Variants in RALGPS1 observed in about 807,000 individuals in gnomAD.
RALGPS1 encodes the protein ras-specific guanine nucleotide-releasing factor RalGPS1.
In RALGPS1, 19 loss-of-function variants were observed where a neutral mutation model predicts 78.8. The ratio of observed to expected loss-of-function variants is 0.24; its 90% CI spans 0.17 to 0.35. RALGPS1 has a LOEUF of 0.35. Among genes scored for constraint, RALGPS1 ranks in the 10% least tolerant of loss-of-function variants. The probability of loss-of-function intolerance (pLI) is 1.00; values close to 1 mark genes in which losing one functional copy is unlikely to be tolerated. For synonymous variants in RALGPS1, 228 were observed against 256.3 expected (o/e 0.89, Z 1.06); for missense variants, 454 against 688.3 (o/e 0.66, Z 3.81).
At chr9:127,048,120 C>T (rs368762030) in intron 5 of RALGPS1, among the ~76,000 whole-genome samples, 1 of 152,064 alleles carries the variant, frequency 6.6e-6, no homozygotes, top group Non-Finnish European at 1.5e-5. Context: ...AGTGTTTTAG[C>T]TCCTTCCTCT....
chr9:127,010,071 G>A (rs773151126), intron 4 of RALGPS1, among the ~76,000 whole-genome samples: 11 of 152,044 alleles, frequency 7.2e-5, no homozygotes, highest in Admixed American at 2.0e-4. Flanking sequence ...TTGGGCCACC[G>A]TGCTGAAGGG....
intron 1 of RALGPS1, among the ~76,000 whole-genome samples, chr9:126,938,118 C>G (rs2036426388): frequency 6.6e-6 from 1 of 152,104 alleles, no homozygotes; most frequent in African/African-American, 2.4e-5. Flanking sequence ...AGCACTGATG[C>G]AAAACGTCGT....
intron 8 of RALGPS1, among the ~76,000 whole-genome samples, chr9:127,112,772 CCAA>C (rs1463579233): frequency 3.9e-5 from 6 of 152,220 alleles, no homozygotes; most frequent in Non-Finnish European, 7.3e-5. Context: ...TGAAACAAAA[CCAA>C]CAACAGTGAG....
At chr9:126,915,168 C>T (rs1345327826) in intron 1 of RALGPS1, among the ~76,000 whole-genome samples, 193 bp downstream of exon 1, 7 of 139,750 alleles carry the variant, frequency 5.0e-5, no homozygotes, top group African/African-American at 1.8e-4. Context: ...CCTGCGGGTG[C>T]CCGGCGCCGG....
At chr9:126,935,957 C>T (rs1257871941) in intron 1 of RALGPS1, among the ~76,000 whole-genome samples, 2 of 152,182 alleles carry the variant, frequency 1.3e-5, no homozygotes, top group Non-Finnish European at 2.9e-5. Flanking sequence ...CTGCCAGTCC[C>T]GAGGAATCTG....
intron 9 of RALGPS1, among the ~76,000 whole-genome samples, 183 bp downstream of exon 9, chr9:127,166,389 G>A (rs968191897): frequency 1.3e-5 from 2 of 152,160 alleles, no homozygotes; most frequent in Admixed American, 6.5e-5. Context: ...TGCAAACTAG[G>A]TGTTACTATT....
chr9:127,052,009 G>T (rs904232865), intron 6 of RALGPS1, among the ~76,000 whole-genome samples: 2 of 152,220 alleles, frequency 1.3e-5, no homozygotes, highest in African/African-American at 4.8e-5. Context: ...CCAGCCACTG[G>T]TCTAGGCAGT....
In RALGPS1 at chr9:127,212,990, T is replaced by C; in HGVS notation, c.1493T>C (p.Val498Ala). 1 of 1,614,202 alleles carries C rather than the reference T, an allele frequency of 6.2e-7. No individual in the cohort carries two copies. The highest frequency in any genetic ancestry group is 8.5e-7 in the Non-Finnish European group (1 of 1,180,036). The change falls in exon 17 of 19, where the codon GTG becomes GCG. Residue 498 changes from valine to alanine, a missense_variant. Transcript: ENST00000259351. This position sits in a 1 kb window ranked among gnomAD's most constrained non-coding sequence, Gnocchi z 6.0. ...AAGGTTTCCATCGTGGGCTGGATGG[T>C]GCAGCTGCCCGATGACCCCGAGCAC... The part of the protein sequence containing the change: ...GKKVSIVGWM[V>A]QLPDDPEHPD...
intron 7 of RALGPS1, among the ~76,000 whole-genome samples, chr9:127,053,796 G>A (rs898026674): frequency 6.6e-6 from 1 of 152,172 alleles, no homozygotes; most frequent in African/African-American, 2.4e-5. Flanking sequence ...GTAGGTGATC[G>A]AAAATGAGCC....
intron 8 of RALGPS1, among the ~76,000 whole-genome samples, chr9:127,123,055 G>T (rs918067269): frequency 1.3e-5 from 2 of 152,248 alleles, no homozygotes; most frequent in Non-Finnish European, 2.9e-5. Flanking sequence ...GCAGGCAGCG[G>T]GTCCTCCCCC....
Position 126,926,579 on chromosome 9 carries a change from G to A in RALGPS1, c.-66+11604G>A, listed in dbSNP as rs532413166. 2.0e-5 allele frequency among the ~76,000 whole-genome samples: 3 copies of A among 152,312 alleles called. No individual in the cohort carries two copies. The South Asian group carries it at 6.2e-4, about 32-fold the overall frequency. On this transcript the variant is annotated intron_variant, in intron 1 of 18. Coordinates refer to ENST00000259351, the MANE Select transcript of RALGPS1 (RefSeq NM_014636.3). ...TGGTTGGAGAGGTGGTTTGGGGTCA[G>A]TTCACAGAGGGACTTGCAGGCAGTG...
chr9:127,217,507 GT>G (rs1298676335), intron 18 of RALGPS1: 1 of 896,642 alleles, frequency 1.1e-6, no homozygotes, highest in South Asian at 5.1e-5. Flanking sequence ...TCCTAAACTT[GT>G]TTTTATTAAC....
At chr9:127,108,531 A>C (rs2054484495) in intron 8 of RALGPS1, 3 of 1,612,510 alleles carry the variant, frequency 1.9e-6, no homozygotes, top group Non-Finnish European at 2.5e-6. Flanking sequence ...CGCAGATGGC[A>C]CCCGTGACCC....
intron 11 of RALGPS1, chr9:127,184,085 G>A (rs1392434349): frequency 1.3e-6 from 2 of 1,532,198 alleles, no homozygotes; most frequent in Admixed American, 3.9e-5. Flanking sequence ...CAGCACTTTG[G>A]GAAGCCGAAG....
At position 127,091,323 on chromosome 9, in the gene RALGPS1, T is replaced by G. The variant is rs1279464832; in HGVS notation, c.610+21967T>G. Among the ~76,000 whole-genome samples, 1 of 152,194 alleles carries G rather than the reference T, an allele frequency of 6.6e-6. No homozygotes were observed. The highest frequency in any genetic ancestry group is 1.5e-5 in the Non-Finnish European group (1 of 68,038). ...CCCAGAGCCTACGCAGTTGGTTAGCTCTATACCAGGTGCCTGGGACAGAAG... is the reference window on the plus strand; with the variant it reads ...CCCAGAGCCTACGCAGTTGGTTAGCGCTATACCAGGTGCCTGGGACAGAAG... On this transcript the variant is annotated intron_variant, in intron 8 of 18. Transcript: ENST00000259351. The surrounding 1 kb of genome is among the most constrained non-coding windows in gnomAD (Gnocchi z 4.3).
intron 7 of RALGPS1, among the ~76,000 whole-genome samples, chr9:127,065,735 T>C (rs1315574817): frequency 2.6e-5 from 4 of 152,172 alleles, no homozygotes; most frequent in African/African-American, 9.7e-5. Flanking sequence ...GTGCACCAGT[T>C]GTTCTTAAGG....
Position 126,962,281 on chromosome 9 carries a change from C to G in RALGPS1, c.-9C>G, listed in dbSNP as rs2038959100. 1 of 1,614,004 alleles carries G rather than the reference C, an allele frequency of 6.2e-7. No individual in the cohort carries two copies. Among genetic ancestry groups the G allele is most frequent in the African/African-American group, 1.3e-5 (1 of 74,930 alleles). The stretch of plus-strand genomic sequence containing the variant: ...AGGCTGCCCTGAAGCTCCCTGTGGC[C>G]TGGAGACTATGTACAAGAGGAATGG... On this transcript the variant is annotated 5_prime_UTR_variant, in exon 2 of 19. Transcript: ENST00000259351.
chr9:127,044,189 G>A (rs372481916), intron 5 of RALGPS1, among the ~76,000 whole-genome samples: 1 of 152,158 alleles, frequency 6.6e-6, no homozygotes, highest in South Asian at 2.1e-4. Context: ...AATCCATACA[G>A]TGGAATAGCA....
chr9:126,929,194 G>A (rs28646231), intron 1 of RALGPS1, among the ~76,000 whole-genome samples: 12,022 of 152,220 alleles, frequency 0.079, 1,566 homozygotes, highest in African/African-American at 0.27. Flanking sequence ...AACAAGGTCA[G>A]TATGAGATTA....
Sources: allele counts gnomAD v4.1 joint callset (sites outside exome capture counted in the v4.1 genomes callset), GRCh38; gene constraint gnomAD v4.1.1; non-coding constraint Gnocchi (gnomAD v3.1); transcripts MANE v1.5; gene names NCBI Gene and HGNC (gene_info 2026-07-23, HGNC 2026-07-21).